Variants in DCC observed in about 807,000 individuals in gnomAD.
The protein encoded by DCC is netrin receptor DCC.
DCC carries 58 observed loss-of-function variants against 172.5 expected under a neutral mutation model. That is an observed-to-expected ratio of 0.34 (90% CI 0.27 to 0.42). The LOEUF is 0.42. Ranked by LOEUF, DCC falls within the 10% of genes least tolerant of loss-of-function variation. The probability of loss-of-function intolerance (pLI) is 1.00; values close to 1 mark genes in which losing one functional copy is unlikely to be tolerated. For synonymous variants in DCC, 709 were observed against 644.5 expected, an observed-to-expected ratio of 1.10 and a Z score of -1.52; for missense variants, 1,740 against 1,791.0, an observed-to-expected ratio of 0.97 and a Z score of 0.51.
intron 1 of DCC, among the ~76,000 whole-genome samples, chr18:52,547,288 C>T (rs2032642422): frequency 6.6e-6 from 1 of 152,136 alleles, no homozygotes; most frequent in South Asian, 2.1e-4. Context: ...AATTCTTAAT[C>T]TTAAAAGCGA....
chr18:53,041,968 C>T (rs1329081105), intron 5 of DCC, among the ~76,000 whole-genome samples: 2 of 151,942 alleles, frequency 1.3e-5, no homozygotes, highest in East Asian at 1.9e-4. Context: ...TAATTTGACT[C>T]CTCTCTTCCT....
At chr18:53,322,889 G>C (rs12962087) in intron 14 of DCC, among the ~76,000 whole-genome samples, 15,681 of 151,566 alleles carry the variant, frequency 0.1, 867 homozygotes, top group Middle Eastern at 0.17. Context: ...AAATTTAAAA[G>C]GTAAGAATTC....
chr18:52,508,283 T>C (rs545638930), intron 1 of DCC, among the ~76,000 whole-genome samples: 3 of 152,296 alleles, frequency 2.0e-5, no homozygotes, highest in Admixed American at 2.0e-4. Flanking sequence ...AGTGTAGTTA[T>C]AGATGTATTG....
chr18:52,709,990 C>T (rs543957678), intron 1 of DCC, among the ~76,000 whole-genome samples: 32 of 152,076 alleles, frequency 2.1e-4, no homozygotes, highest in African/African-American at 7.7e-4. Context: ...ATTCTCAGAC[C>T]CTGGTGGTGG....
chr18:52,538,965 T>A (rs1303517564), intron 1 of DCC, among the ~76,000 whole-genome samples: 1 of 152,216 alleles, frequency 6.6e-6, no homozygotes, highest in East Asian at 1.9e-4. Context: ...GTTGGTTAGC[T>A]GGTCTGAGGC....
chr18:53,020,053 C>G (rs2041858090), intron 5 of DCC, among the ~76,000 whole-genome samples: 2 of 152,146 alleles, frequency 1.3e-5, no homozygotes, highest in South Asian at 4.1e-4. Context: ...ACTGTGGGAA[C>G]TTTGAAGGAG....
intron 14 of DCC, among the ~76,000 whole-genome samples, chr18:53,332,839 T>G (rs866839135): frequency 2.3e-4 from 35 of 152,250 alleles, no homozygotes; most frequent in Admixed American, 6.5e-4. Context: ...GCATATATAT[T>G]TTTAAAATAA....
chr18:53,071,763 C>T (rs764341165), intron 7 of DCC, among the ~76,000 whole-genome samples: 2 of 152,110 alleles, frequency 1.3e-5, no homozygotes, highest in Admixed American at 6.5e-5. Flanking sequence ...TAAGAAGTCT[C>T]CTTTCTAAAT....
chr18:53,113,461 G>A (rs948298573), intron 7 of DCC, among the ~76,000 whole-genome samples: 8 of 150,956 alleles, frequency 5.3e-5, no homozygotes, highest in Non-Finnish European at 1.0e-4. Flanking sequence ...ATTTTCATTA[G>A]TTCAGATATT....
intron 1 of DCC, among the ~76,000 whole-genome samples, chr18:52,360,829 T>C (rs1984586976): frequency 6.6e-6 from 1 of 152,230 alleles, no homozygotes; most frequent in African/African-American, 2.4e-5. Flanking sequence ...TCCTGAATTC[T>C]TTTATTGTTT....
In DCC at chr18:52,676,708, C is replaced by T. The variant is rs190490858; in HGVS notation, c.92-75346C>T. On this transcript the variant is annotated intron_variant, in intron 1 of 28. Coordinates refer to ENST00000442544, the MANE Select transcript of DCC (RefSeq NM_005215.4). ...AGACATCACCCTGTCCCAAGTGCAACGTGAGATCAGCAGGAGCTTGATTAT... is the reference window on the plus strand; with the variant it reads ...AGACATCACCCTGTCCCAAGTGCAATGTGAGATCAGCAGGAGCTTGATTAT... Among the ~76,000 whole-genome samples the T allele has an allele frequency of 1.3e-4, 20 of 152,236 alleles. 1 individual carries two copies. Among genetic ancestry groups the T allele is most frequent in the East Asian group, 3.9e-4 (2 of 5,176 alleles).
intron 26 of DCC, among the ~76,000 whole-genome samples, chr18:53,494,711 C>A (rs146521817): frequency 8.5e-4 from 130 of 152,258 alleles, no homozygotes; most frequent in African/African-American, 3.0e-3. Flanking sequence ...TGTGCCTGCA[C>A]GTGAGATGGG....
At chr18:52,445,955 T>C (rs1988106968) in intron 1 of DCC, among the ~76,000 whole-genome samples, 1 of 152,090 alleles carries the variant, frequency 6.6e-6, no homozygotes. Context: ...TGAGACGGAG[T>C]CTCGCTCGCT....
intron 1 of DCC, among the ~76,000 whole-genome samples, chr18:52,689,537 G>A (rs374962607): frequency 5.9e-5 from 9 of 152,080 alleles, no homozygotes; most frequent in African/African-American, 2.2e-4. Context: ...AGTAAGGCTA[G>A]GGACCCTATG....
At chr18:53,529,804 T>C (rs2046505259) in intron 28 of DCC, among the ~76,000 whole-genome samples, 1 of 152,222 alleles carries the variant, frequency 6.6e-6, no homozygotes, top group Admixed American at 6.5e-5. Context: ...TAACTAGTAA[T>C]TCTATTACTT....
At chr18:53,003,509 A>C (rs1027381001) in intron 5 of DCC, among the ~76,000 whole-genome samples, 2 of 152,044 alleles carry the variant, frequency 1.3e-5, no homozygotes, top group African/African-American at 4.8e-5. Context: ...AGTGGTGTTC[A>C]TGGGTTTTAG....
intron 1 of DCC, among the ~76,000 whole-genome samples, chr18:52,550,000 C>T (rs1354455445): frequency 6.6e-6 from 1 of 151,890 alleles, no homozygotes; most frequent in Non-Finnish European, 1.5e-5. Flanking sequence ...AAAAAAGTAA[C>T]TTTATAGTAG....
intron 9 of DCC, among the ~76,000 whole-genome samples, chr18:53,185,018 A>T (rs1288534520): frequency 6.6e-6 from 1 of 152,202 alleles, no homozygotes; most frequent in African/African-American, 2.4e-5. Context: ...CAGTTGTCTG[A>T]TCCCGTACAT....
chr18:53,172,978 A>C (rs985153718), intron 8 of DCC, among the ~76,000 whole-genome samples: 1 of 152,138 alleles, frequency 6.6e-6, no homozygotes, highest in Non-Finnish European at 1.5e-5. Context: ...AAACCACCCT[A>C]TCTATATCAG....
Sources: allele counts gnomAD v4.1 joint callset (sites outside exome capture counted in the v4.1 genomes callset), GRCh38; gene constraint gnomAD v4.1.1; transcripts MANE v1.5; gene names NCBI Gene and HGNC (gene_info 2026-07-23, HGNC 2026-07-21).